Variants in STAU2 observed in about 807,000 individuals in gnomAD.
STAU2 encodes the protein staufen double-stranded RNA binding protein 2.
Under a neutral mutation model 65.9 loss-of-function variants are expected in STAU2, and 20 were observed. The ratio of observed to expected loss-of-function variants is 0.30; its 90% CI spans 0.21 to 0.44. STAU2 has a LOEUF of 0.44. Ranked by LOEUF, STAU2 falls within the 20% of genes least tolerant of loss-of-function variation. The pLI is 1.00. For synonymous variants in STAU2, 232 were observed against 233.9 expected (o/e 0.99, Z 0.07); for missense variants, 558 against 683.9 (o/e 0.82, Z 2.05).
chr8:73,551,042 T>G (rs1220495677), intron 13 of STAU2: 1 of 986,484 alleles, frequency 1.0e-6, no homozygotes, highest in Non-Finnish European at 1.2e-6. Flanking sequence ...GAAAAGGAGA[T>G]GAAAACAGTG....
At chr8:73,590,159 G>GAAGGAGAAGAAGAAAAAGTGGAGGAA (rs1554546187) in intron 11 of STAU2, among the ~76,000 whole-genome samples, 107 of 147,092 alleles carry the variant, frequency 7.3e-4, no homozygotes, top group Admixed American at 1.4e-3. Context: ...AAGAGGATAA[G>GAAGGAGAAGAAGAAAAAGTGGAGGAA]AAGGAGAAGA....
intron 13 of STAU2, among the ~76,000 whole-genome samples, chr8:73,503,581 T>C (rs1368315238): frequency 6.6e-6 from 1 of 151,596 alleles, no homozygotes; most frequent in Non-Finnish European, 1.5e-5. Flanking sequence ...TTTTGGCACA[T>C]AGGGATACTA....
intron 13 of STAU2, among the ~76,000 whole-genome samples, chr8:73,502,966 T>C (rs145556791): frequency 4.6e-5 from 7 of 152,268 alleles, no homozygotes; most frequent in South Asian, 2.1e-4. Flanking sequence ...TGAGCAATCA[T>C]TGTAGAAACC....
chr8:73,432,923 G>A (rs931672049), intron 13 of STAU2, among the ~76,000 whole-genome samples: 5 of 152,176 alleles, frequency 3.3e-5, no homozygotes, highest in African/African-American at 1.2e-4. Flanking sequence ...TGAAGAACAG[G>A]TGTTTTCACT....
At chr8:73,483,025 A>C (rs1458244176) in intron 13 of STAU2, among the ~76,000 whole-genome samples, 1 of 133,918 alleles carries the variant, frequency 7.5e-6, no homozygotes, top group Non-Finnish European at 1.6e-5. Flanking sequence ...CACCTTACAC[A>C]ATAAATTTTT....
intron 3 of STAU2, chr8:73,728,014 A>C (rs944045539): frequency 1.3e-5 from 2 of 152,208 alleles, no homozygotes; most frequent in Non-Finnish European, 2.9e-5. Context: ...GTAACTGTCT[A>C]TTCCAAGTCC....
intron 1 of STAU2, among the ~76,000 whole-genome samples, chr8:73,745,874 C>T (rs1432799091): frequency 1.3e-5 from 2 of 152,166 alleles, no homozygotes; most frequent in East Asian, 3.9e-4. Context: ...ATTACCCCCA[C>T]CGCCTCCCTA....
chr8:73,671,417 A>G (rs975383311), intron 6 of STAU2, among the ~76,000 whole-genome samples: 3 of 151,926 alleles, frequency 2.0e-5, no homozygotes, highest in Non-Finnish European at 4.4e-5. Context: ...CAAAAAAAAC[A>G]CTACTTTTTA....
chr8:73,592,643 G>A (rs968853392), intron 11 of STAU2, among the ~76,000 whole-genome samples: 1 of 152,170 alleles, frequency 6.6e-6, no homozygotes, highest in African/African-American at 2.4e-5. Context: ...CGGATCATTT[G>A]AGGTCAGGAG....
At chr8:73,628,969 G>A (rs1813892518) in intron 6 of STAU2, among the ~76,000 whole-genome samples, 1 of 152,172 alleles carries the variant, frequency 6.6e-6, no homozygotes. Flanking sequence ...GTAACATGGA[G>A]ACATTACATC....
At chr8:73,453,449 T>C (rs1053368015) in intron 13 of STAU2, among the ~76,000 whole-genome samples, 2 of 152,230 alleles carry the variant, frequency 1.3e-5, no homozygotes, top group African/African-American at 4.8e-5. Flanking sequence ...TCTTCCCATT[T>C]CTTTGCTCAG....
At chr8:73,668,904 G>C in intron 6 of STAU2, 1 of 618,248 alleles carries the variant, frequency 1.6e-6, no homozygotes, top group Admixed American at 2.5e-5. Context: ...AAACAGCATA[G>C]GTAATACCTA....
chr8:73,653,906 A>C (rs1301054861), intron 6 of STAU2: 7 of 443,862 alleles, frequency 1.6e-5, no homozygotes, highest in Admixed American at 1.5e-4. Flanking sequence ...TCTGAAAATC[A>C]AGGTAAATAT....
intron 4 of STAU2, among the ~76,000 whole-genome samples, chr8:73,698,890 C>G (rs558693024): frequency 7.0e-6 from 1 of 142,226 alleles, no homozygotes; most frequent in Admixed American, 7.2e-5. Flanking sequence ...CAAGGATAAA[C>G]CATGTTAGGT....
Position 73,603,728 on chromosome 8 carries a change from G to C in STAU2, c.1027C>G (p.Gln343Glu). Reference sequence around the variant, plus strand: ...TAGTTTTAAAAGGTTAGAAATACCTGCATCACAAATTCTCGACGTCGAGGC... The same window carrying C: ...TAGTTTTAAAAGGTTAGAAATACCTCCATCACAAATTCTCGACGTCGAGGC... ...GMPRRREFVM[Q>E]VKVGNEVATG... Residue 343 changes from glutamine to glutamate, a missense_variant and splice_region_variant, in exon 10 of 15, where the codon CAG becomes GAG. Transcript: ENST00000524300. 1.9e-6 allele frequency: 3 copies of C among 1,610,632 alleles called. No individual in the cohort carries two copies. In the African/African-American group the frequency reaches 4.0e-5, roughly 22 times the overall value.
At chr8:73,664,474 T>C (rs1217309371) in intron 6 of STAU2, among the ~76,000 whole-genome samples, 1 of 152,190 alleles carries the variant, frequency 6.6e-6, no homozygotes, top group African/African-American at 2.4e-5. Flanking sequence ...TCTCTTCCAT[T>C]CCTAGTTTGC....
intron 12 of STAU2, among the ~76,000 whole-genome samples, chr8:73,576,280 T>C (rs920751337): frequency 6.6e-6 from 1 of 152,180 alleles, no homozygotes; most frequent in African/African-American, 2.4e-5. Context: ...TTATGGGATA[T>C]TCACATAGTG....
chr8:73,604,610 GAGAATATAAA>G (rs1811880523), intron 9 of STAU2, among the ~76,000 whole-genome samples: 1 of 152,094 alleles, frequency 6.6e-6, no homozygotes. Context: ...CTAAGAAAAA[GAGAATATAAA>G]AGGGAAATGG....
At chr8:73,428,240 A>T (rs1231712964) in intron 13 of STAU2, among the ~76,000 whole-genome samples, 1 of 152,204 alleles carries the variant, frequency 6.6e-6, no homozygotes, top group Non-Finnish European at 1.5e-5. Context: ...TATGTTTGGC[A>T]TATTTCACTT....
Sources: allele counts gnomAD v4.1 joint callset (sites outside exome capture counted in the v4.1 genomes callset), GRCh38; gene constraint gnomAD v4.1.1; transcripts MANE v1.5; gene names NCBI Gene and HGNC (gene_info 2026-07-23, HGNC 2026-07-21).